KCNMB2: variants seen among roughly 807,000 people sequenced by gnomAD.
KCNMB2 encodes the protein potassium calcium-activated channel subfamily M regulatory beta subunit 2.
KCNMB2 carries 9 observed loss-of-function variants against 24.5 expected under a neutral mutation model. The ratio of observed to expected loss-of-function variants is 0.37; its 90% confidence interval spans 0.22 to 0.64. KCNMB2 has a LOEUF of 0.64. Ranked by LOEUF, KCNMB2 falls within the 30% of genes least tolerant of loss-of-function variation. The pLI is 0.63. For synonymous variants in KCNMB2, 109 were observed against 104.4 expected (o/e 1.04, Z -0.27); for missense variants, 226 against 284.3 (o/e 0.79, Z 1.47).
intron 1 of KCNMB2, among the ~76,000 whole-genome samples, chr3:178,617,047 T>C (rs1170597157): frequency 6.6e-6 from 1 of 152,198 alleles, no homozygotes; most frequent in East Asian, 1.9e-4. Flanking sequence ...TTTTTGTTTT[T>C]TTCCTAGATT....
chr3:178,837,655 C>T (rs1248751975), intron 4 of KCNMB2, among the ~76,000 whole-genome samples: 2 of 152,144 alleles, frequency 1.3e-5, no homozygotes, highest in Non-Finnish European at 2.9e-5. Context: ...CTGTCTGTTG[C>T]TCATATGTGT....
At chr3:178,781,784 CT>C (rs1212393898) in intron 1 of KCNMB2, among the ~76,000 whole-genome samples, 47 of 147,158 alleles carry the variant, frequency 3.2e-4, no homozygotes, top group South Asian at 1.3e-3. Context: ...CATGAAACCG[CT>C]TTTTTTTTTC....
chr3:178,559,776 T>C (rs923952923), intron 1 of KCNMB2, among the ~76,000 whole-genome samples: 2 of 150,636 alleles, frequency 1.3e-5, no homozygotes, highest in African/African-American at 4.9e-5. Context: ...TGTTGTCCAC[T>C]TTGCGAAAAT....
chr3:178,685,027 C>CGG (rs777579614), intron 1 of KCNMB2, among the ~76,000 whole-genome samples: 1 of 152,224 alleles, frequency 6.6e-6, no homozygotes, highest in Non-Finnish European at 1.5e-5. Flanking sequence ...AGCCCTCCCT[C>CGG]CTTCCTCTTC....
chr3:178,624,854 A>C (rs1442432871), intron 1 of KCNMB2, among the ~76,000 whole-genome samples: 1 of 151,144 alleles, frequency 6.6e-6, no homozygotes, highest in Non-Finnish European at 1.5e-5. Flanking sequence ...GGGAGTTGGC[A>C]GGGGAGGGCC....
intron 4 of KCNMB2, among the ~76,000 whole-genome samples, chr3:178,834,403 A>C (rs1191430553): frequency 6.6e-6 from 1 of 152,230 alleles, no homozygotes; most frequent in Non-Finnish European, 1.5e-5. Flanking sequence ...GAGAGAATAA[A>C]GACAAGAGTT....
At chr3:178,798,768 T>C (rs555198132) in intron 1 of KCNMB2, among the ~76,000 whole-genome samples, 3 of 151,830 alleles carry the variant, frequency 2.0e-5, no homozygotes, top group African/African-American at 7.3e-5. Flanking sequence ...AAATAGATAA[T>C]GCATGCTGGG....
At chr3:178,778,034 T>C (rs1712653903) in intron 1 of KCNMB2, among the ~76,000 whole-genome samples, 1 of 152,214 alleles carries the variant, frequency 6.6e-6, no homozygotes, top group African/African-American at 2.4e-5. Flanking sequence ...CATTTCCTTT[T>C]GTTCCCATGG....
intron 1 of KCNMB2, among the ~76,000 whole-genome samples, chr3:178,739,974 G>A (rs534602670): frequency 2.6e-5 from 4 of 152,266 alleles, no homozygotes; most frequent in Admixed American, 1.3e-4. Context: ...TCCAGCTGAC[G>A]TGGGAACACT....
At chr3:178,810,145 CA>C (rs1237640722) in intron 2 of KCNMB2, among the ~76,000 whole-genome samples, 1 of 152,052 alleles carries the variant, frequency 6.6e-6, no homozygotes, top group Non-Finnish European at 1.5e-5. Context: ...TGGCAATAAA[CA>C]TGGTGATAAT....
intron 1 of KCNMB2, among the ~76,000 whole-genome samples, chr3:178,748,650 C>A (rs1723745838): frequency 6.6e-6 from 1 of 152,094 alleles, no homozygotes; most frequent in Admixed American, 6.6e-5. Context: ...TACAGGCCTG[C>A]AGGAAATATT....
chr3:178,765,288 A>G (rs1712067740), intron 1 of KCNMB2, among the ~76,000 whole-genome samples: 1 of 152,170 alleles, frequency 6.6e-6, no homozygotes, highest in Non-Finnish European at 1.5e-5. Flanking sequence ...ACCACCCACT[A>G]AAAAAGATGC....
At chr3:178,675,443 G>A (rs577018780) in intron 1 of KCNMB2, among the ~76,000 whole-genome samples, 4 of 152,260 alleles carry the variant, frequency 2.6e-5, no homozygotes, top group Admixed American at 1.3e-4. Flanking sequence ...CAGCTTTCCC[G>A]CAGGGCTGGA....
chr3:178,675,620 T>A (rs901583831), intron 1 of KCNMB2, among the ~76,000 whole-genome samples: 1 of 152,216 alleles, frequency 6.6e-6, no homozygotes, highest in Non-Finnish European at 1.5e-5. Context: ...AAATCTTTGA[T>A]CAATGTTCAC....
chr3:178,550,491 C>T (rs1394277588), intron 1 of KCNMB2, among the ~76,000 whole-genome samples: 1 of 151,166 alleles, frequency 6.6e-6, no homozygotes, highest in Non-Finnish European at 1.5e-5. Context: ...AAGATTTGCC[C>T]CACGAAGGCA....
In KCNMB2 at chr3:178,837,244, G is replaced by A. The variant is rs147783524; in HGVS notation, c.424-5409G>A. On this transcript the variant is annotated intron_variant, in intron 4 of 4. Coordinates refer to ENST00000452583, the MANE Select transcript of KCNMB2 (RefSeq NM_181361.3). The stretch of plus-strand genomic sequence containing the variant: ...CTTTTAGATGATCATGTGGACAAAT[G>A]TGAAATTCCAATAGAAAAACATGTT... Among the ~76,000 whole-genome samples, 330 of 152,262 alleles carry A rather than the reference G, an allele frequency of 2.2e-3. 4 individuals carry two copies. The highest frequency in any genetic ancestry group is 7.6e-3 in the African/African-American group (316 of 41,532).
chr3:178,829,739 A>G (rs904228707), intron 4 of KCNMB2, among the ~76,000 whole-genome samples: 1 of 152,184 alleles, frequency 6.6e-6, no homozygotes, highest in African/African-American at 2.4e-5. Context: ...CATTTTGACA[A>G]TTTATCACTA....
intron 1 of KCNMB2, among the ~76,000 whole-genome samples, chr3:178,550,040 G>C (rs1415470197): frequency 6.6e-6 from 1 of 152,062 alleles, no homozygotes; most frequent in African/African-American, 2.4e-5. Flanking sequence ...TCAGTGTTAT[G>C]TTGGCTATAT....
At chr3:178,799,696 C>G (rs1266863709) in intron 1 of KCNMB2, among the ~76,000 whole-genome samples, 1 of 152,030 alleles carries the variant, frequency 6.6e-6, no homozygotes, top group African/African-American at 2.4e-5. Context: ...TATATGGAAA[C>G]ACAAAAGACC....
Sources: gnomAD v4.1 joint callset for allele counts (sites outside exome capture counted in the v4.1 genomes callset) on GRCh38, gnomAD v4.1.1 for gene constraint, MANE v1.5 for transcripts, NCBI Gene and HGNC (gene_info 2026-07-23, HGNC 2026-07-21) for gene names.